The following C1QTNF9 variants were observed in gnomAD, a reference collection of about 807,000 sequenced individuals.
C1QTNF9 encodes C1q and TNF related 9.
C1QTNF9 carries 6 observed loss-of-function variants against 10.1 expected under a neutral mutation model. The ratio of observed to expected loss-of-function variants is 0.59; its 90% CI spans 0.32 to 1.17. C1QTNF9 has a LOEUF of 1.17. C1QTNF9 is among the 50% of genes most tolerant of loss of function. The pLI is 0.04. For missense variants in C1QTNF9, 201 were observed against 418.8 expected (o/e 0.48, Z 4.54); for synonymous variants, 98 against 163.5 (o/e 0.60, Z 3.06).
At chr13:24,320,149 T>C (rs1193224392) in intron 3 of C1QTNF9, among the ~76,000 whole-genome samples, 1 of 151,926 alleles carries the variant, frequency 6.6e-6, no homozygotes, top group African/African-American at 2.4e-5. Context: ...AGGAGGTTTT[T>C]AGAGGATGTC....
In C1QTNF9 at chr13:24,318,892, C is replaced by T; in HGVS notation, c.229+12C>T. The T allele has an allele frequency of 6.2e-7, 1 of 1,614,056 alleles. No homozygotes were observed. The highest frequency in any genetic ancestry group is 1.3e-5 in the African/African-American group (1 of 75,050). ...GAAGGGAGAACGAGGTTAGTAGTTC[C>T]TATTTATGGTGCTCTAATTCTGAGC... On this transcript the variant is annotated intron_variant, in intron 3 of 3. Transcript: ENST00000332018.
intron 1 of C1QTNF9, among the ~76,000 whole-genome samples, chr13:24,310,311 G>A (rs1340840990): frequency 1.5e-5 from 2 of 132,722 alleles, no homozygotes; most frequent in Non-Finnish European, 3.2e-5. Context: ...CTGCCACCGC[G>A]CCTGGCTACT....
intron 2 of C1QTNF9, among the ~76,000 whole-genome samples, chr13:24,318,063 T>C (rs1878109053): frequency 6.6e-6 from 1 of 152,012 alleles, no homozygotes; most frequent in Non-Finnish European, 1.5e-5. Flanking sequence ...CGTCAGTGGG[T>C]CTGAAGTATG....
chr13:24,312,412 GGCTCCTA>G (rs1402159086), intron 1 of C1QTNF9, among the ~76,000 whole-genome samples: 1 of 152,094 alleles, frequency 6.6e-6, no homozygotes, highest in African/African-American at 2.4e-5. Context: ...AGACAGAAGA[GGCTCCTA>G]GCTCTAGTGC....
chr13:24,316,412 A>C (rs56066819), intron 2 of C1QTNF9, among the ~76,000 whole-genome samples: 20,528 of 151,514 alleles, frequency 0.14, 1,520 homozygotes, highest in Middle Eastern at 0.26. Flanking sequence ...AGCACAGGGC[A>C]AGATCGCCAT....
rs552861102 is a variant in C1QTNF9, at chr13:24,310,384, C to T, written c.-23+768C>T. 3.0e-3 allele frequency among the ~76,000 whole-genome samples: 456 copies of T among 150,412 alleles called. 2 individuals are homozygous for T. The highest frequency in any genetic ancestry group is 0.01 in the African/African-American group (425 of 40,982). Reference sequence around the variant, plus strand: ...TTCACTGTGGTCTCGATCTCCTGACCTCGTGATCCGCCTGCCTCGGCCTCC... The same window carrying T: ...TTCACTGTGGTCTCGATCTCCTGACTTCGTGATCCGCCTGCCTCGGCCTCC... On this transcript the variant is annotated intron_variant, in intron 1 of 3. Transcript: ENST00000332018.
intron 1 of C1QTNF9, among the ~76,000 whole-genome samples, chr13:24,310,412 A>G (rs1337698595): frequency 6.6e-6 from 1 of 150,734 alleles, no homozygotes; most frequent in East Asian, 2.0e-4. Flanking sequence ...CGGCCTCCCA[A>G]AGTGCTGGGA....
intron 1 of C1QTNF9, among the ~76,000 whole-genome samples, chr13:24,312,593 T>C (rs1877870286): frequency 6.6e-6 from 1 of 152,134 alleles, no homozygotes; most frequent in African/African-American, 2.4e-5. Context: ...CTTGTGCAAA[T>C]CCTCAACCTT....
At chr13:24,310,661 C>A (rs1395137805) in intron 1 of C1QTNF9, among the ~76,000 whole-genome samples, 3 of 151,502 alleles carry the variant, frequency 2.0e-5, no homozygotes, top group Non-Finnish European at 2.9e-5. Context: ...CACCTGTAAT[C>A]CCAGCACTTT....
Position 24,318,711 on chromosome 13 carries a change from G to A in C1QTNF9, c.167-107G>A, listed in dbSNP as rs537026232. The A allele has an allele frequency of 1.0e-4, 154 of 1,497,412 alleles. 1 individual carries two copies. In the African/African-American group the frequency reaches 1.2e-3, roughly 11 times the overall value. 92.8% of individuals were successfully genotyped at this position (1,497,412 alleles called of 1,614,324 possible). ...TGGAGGACAGAGTGCCCGTCAGGGC[G>A]GGGGTCACCCCCAGACTCTCCAACA... On this transcript the variant is annotated intron_variant, in intron 2 of 3. Coordinates refer to ENST00000332018, the Ensembl canonical transcript of C1QTNF9.
At chr13:24,314,205 C>T (rs1231192494) in intron 1 of C1QTNF9, among the ~76,000 whole-genome samples, 1 of 152,070 alleles carries the variant, frequency 6.6e-6, no homozygotes, top group Non-Finnish European at 1.5e-5. Flanking sequence ...TGGGTTCTGA[C>T]CAGTTGCACT....
chr13:24,318,733 A>G (rs1878138103), intron 2 of C1QTNF9, 85 bp from the exon 3 acceptor site: 2 of 1,595,110 alleles, frequency 1.3e-6, no homozygotes, highest in South Asian at 2.2e-5. Context: ...CAGACTCTCC[A>G]ACACACATGG....
chr13:24,321,610 A>G (rs1878275271), exon 4 of C1QTNF9: 1 of 1,614,168 alleles, frequency 6.2e-7, no homozygotes. Flanking sequence ...TGCTTACATG[A>G]GCTCTGAGGA....
At chr13:24,312,081 G>T (rs774050850) in intron 1 of C1QTNF9, among the ~76,000 whole-genome samples, 21 of 152,198 alleles carry the variant, frequency 1.4e-4, no homozygotes, top group Non-Finnish European at 2.6e-4. Flanking sequence ...AAGGTGAGAA[G>T]GGGTGTTGGA....
chr13:24,312,148 C>G (rs1877850403), intron 1 of C1QTNF9, among the ~76,000 whole-genome samples: 1 of 152,230 alleles, frequency 6.6e-6, no homozygotes, highest in Non-Finnish European at 1.5e-5. Flanking sequence ...ACCCAGTCAC[C>G]TTCCCAAGTG....
At position 24,321,525 on chromosome 13, in the gene C1QTNF9, C is replaced by A. The variant is rs1204440598; in HGVS notation, c.759C>A (p.Tyr253Ter). The A allele has an allele frequency of 6.2e-7, 1 of 1,612,698 alleles. No homozygotes were observed. Among genetic ancestry groups the A allele is most frequent in the Non-Finnish European group, 8.5e-7 (1 of 1,179,458 alleles). The change falls in exon 4 of 4, where the codon TAC (tyrosine) becomes TAA (stop). Residue 253 changes from tyrosine to a stop codon, truncating the protein, a stop_gained. Transcript: ENST00000332018. LOFTEE classifies it high-confidence loss of function. ...TTGCTGGGGTCTATTACTTCACCTA[C>A]CACATCACTGTTTTCTCCAGAAATG...
At chr13:24,310,119 C>T (rs959246964) in intron 1 of C1QTNF9, among the ~76,000 whole-genome samples, 2 of 151,792 alleles carry the variant, frequency 1.3e-5, no homozygotes, top group African/African-American at 2.4e-5. Flanking sequence ...CTCTTGAACT[C>T]CTGACCTTAT....
At chr13:24,317,861 G>A (rs1394953254) in intron 2 of C1QTNF9, among the ~76,000 whole-genome samples, 2 of 149,342 alleles carry the variant, frequency 1.3e-5, no homozygotes, top group African/African-American at 4.9e-5. Flanking sequence ...GAGGGGAGGG[G>A]AGGGGAGCGC....
chr13:24,316,173 C>G lies in C1QTNF9; in HGVS notation c.166+4C>G, dbSNP rs1160262039. The stretch of plus-strand genomic sequence containing the variant: ...AAGGGTGACAAAGGCGATGCAGGTA[C>G]TCACCTGACGGCTTCGGCTGCCTTT... On this transcript the variant is annotated splice_donor_region_variant and intron_variant, in intron 2 of 3. Transcript: ENST00000332018. The G allele has an allele frequency of 1.9e-6, 3 of 1,584,574 alleles. No homozygotes were observed. The highest frequency in any genetic ancestry group is 1.4e-5 in the African/African-American group (1 of 73,750).
Sources: allele counts gnomAD v4.1 joint callset (sites outside exome capture counted in the v4.1 genomes callset), GRCh38; gene constraint gnomAD v4.1.1; transcripts MANE v1.5; gene names NCBI Gene and HGNC (gene_info 2026-07-23, HGNC 2026-07-21).